Variants in MTMR4 observed in about 807,000 individuals in gnomAD.
MTMR4 encodes the protein phosphatidylinositol-3,5-bisphosphate 3-phosphatase MTMR4.
A neutral mutation model predicts 125.5 loss-of-function variants in MTMR4; 30 were observed. That is an observed-to-expected ratio of 0.24 (90% CI 0.18 to 0.32). The LOEUF is 0.32. MTMR4 is among the 10% of genes least tolerant of loss of function. MTMR4 has a pLI of 1.00. For missense variants in MTMR4, 1,039 were observed against 1,511.5 expected (o/e 0.69, Z 5.18); for synonymous variants, 498 against 564.5 (o/e 0.88, Z 1.67).
chr17:58,495,088 C>T lies in MTMR4; in HGVS notation c.3096G>A (p.Thr1032=), dbSNP rs1220975279. The change falls in exon 15 of 18, where the codon ACG becomes ACA. Residue 1032 remains threonine (T), a synonymous_variant. Coordinates refer to ENST00000682306, the MANE Select transcript of MTMR4 (RefSeq NM_001378067.1). The part of the protein sequence containing the change: ...YLDDDGLPFP[T]DVIQHRLRQI... ...GCCGTAACCTATGCTGGATCACATC[C>T]GTGGGAAAGGGGAGTCCATCATCAT... The T allele has an allele frequency of 1.5e-5, 24 of 1,614,070 alleles. No individual in the cohort carries two copies. Among genetic ancestry groups the T allele is most frequent in the East Asian group, 2.2e-5 (1 of 44,900 alleles).
Position 58,505,531 on chromosome 17 carries a change from G to A in MTMR4, c.1086C>T (p.Ala362=). ...GGAGGTACTGAAAGCTGTTCCGGAT[G>A]GCATGGATGTTGGCCATTCCCATGA... ...VVFMGMANIH[A]IRNSFQYLRA... is the part of the protein sequence containing the mutation. The change falls in exon 10 of 18, where the codon GCC becomes GCT. Residue 362 remains alanine, a synonymous_variant. Transcript: ENST00000682306. The A allele has an allele frequency of 6.2e-7, 1 of 1,613,198 alleles. No individual in the cohort carries two copies. The highest frequency in any genetic ancestry group is 2.2e-5 in the East Asian group (1 of 44,826).
intron 15 of MTMR4, among the ~76,000 whole-genome samples, chr17:58,493,986 C>G (rs926224736): frequency 6.6e-5 from 10 of 152,102 alleles, no homozygotes; most frequent in African/African-American, 1.4e-4. Flanking sequence ...ACCTTACCAG[C>G]CTCCCAATCT....
rs762664201 is a variant in MTMR4, at chr17:58,495,170, G to A, written c.3014C>T (p.Ser1005Phe). Residue 1005 changes from serine (S) to phenylalanine (F), a missense_variant, in exon 15 of 18, where the codon TCT (serine) becomes TTT (phenylalanine). Around this residue, in one of 6 missense-constraint regions of MTMR4, gnomAD observed 619 missense variants for 714.5 expected, o/e 0.87. Transcript: ENST00000682306. ...GTTCAGTGGAACGGGCTTTGTGCTA[G>A]AGACTTGCTTTGGATGACTGGACAA... ...MWLSSHPKQV[S>F]STKPVPLNCP... 1 of 1,614,260 alleles carries A rather than the reference G, an allele frequency of 6.2e-7. No individual in the cohort carries two copies.
At chr17:58,513,368 C>T (rs1326373750) in intron 1 of MTMR4, among the ~76,000 whole-genome samples, 2 of 152,018 alleles carry the variant, frequency 1.3e-5, no homozygotes, top group African/African-American at 2.4e-5. Flanking sequence ...GGAAATCAGG[C>T]GCCTACAAGC....
chr17:58,506,941 C>A (rs1254929353), intron 8 of MTMR4, 70 bp from the exon 9 acceptor site: 2 of 1,576,360 alleles, frequency 1.3e-6, no homozygotes, highest in African/African-American at 2.7e-5. Context: ...CTCTGGCACT[C>A]CCTCTCAGAA....
Position 58,495,767 on chromosome 17 carries a change from T to C in MTMR4, c.2417A>G (p.Gln806Arg). 1 of 1,614,116 alleles carries C rather than the reference T, an allele frequency of 6.2e-7. No individual in the cohort carries two copies. Among genetic ancestry groups the C allele is most frequent in the Admixed American group, 1.7e-5 (1 of 60,014 alleles). Residue 806 changes from glutamine (Q) to arginine (R), a missense_variant, in exon 15 of 18, where the codon CAG becomes CGG. Transcript: ENST00000682306. ...SQNSPTGTPQ[Q>R]AQPDSMLGVP... ...ACCTAGCATGGAGTCTGGCTGGGCCTGTTGGGGCGTACCTGTAGGAGAGTT... is the reference window on the plus strand; with the variant it reads ...ACCTAGCATGGAGTCTGGCTGGGCCCGTTGGGGCGTACCTGTAGGAGAGTT...
chr17:58,514,631 G>A lies in MTMR4; in HGVS notation c.-224C>T, dbSNP rs1204649741. 6 of 985,280 alleles carry A rather than the reference G, an allele frequency of 6.1e-6. No homozygotes were observed. Among genetic ancestry groups the A allele is most frequent in the Non-Finnish European group, 7.2e-6 (6 of 829,902 alleles). 61.0% of individuals were successfully genotyped at this position (985,280 alleles called of 1,614,324 possible). ...TCCGCCCTCCCGCACGAGTGCAGAAGGGAGGGGAGCCAGGCGAGGGGAGAG... is the reference window on the plus strand; with the variant it reads ...TCCGCCCTCCCGCACGAGTGCAGAAAGGAGGGGAGCCAGGCGAGGGGAGAG... On this transcript the variant is annotated 5_prime_UTR_variant, in exon 1 of 18. Coordinates refer to ENST00000682306, the MANE Select transcript of MTMR4 (RefSeq NM_001378067.1).
At chr17:58,503,376 G>A (rs1042960036) in intron 14 of MTMR4, among the ~76,000 whole-genome samples, 13 of 152,162 alleles carry the variant, frequency 8.5e-5, no homozygotes, top group Non-Finnish European at 1.8e-4. Context: ...GGCCGGGCAC[G>A]GTGGCTCACG....
At chr17:58,510,495 C>T (rs1265551571) in intron 4 of MTMR4, 1 of 152,206 alleles carries the variant, frequency 6.6e-6, no homozygotes, top group Non-Finnish European at 1.5e-5. Flanking sequence ...TTTTTTGAGA[C>T]AGGGTCTCAC....
chr17:58,492,591 G>C lies in MTMR4; in HGVS notation c.3372C>G (p.Arg1124=). 3 of 1,613,882 alleles carry C rather than the reference G, an allele frequency of 1.9e-6. No homozygotes were observed. The highest frequency in any genetic ancestry group is 2.5e-6 in the Non-Finnish European group (3 of 1,179,942). The change falls in exon 17 of 18, where the codon CGC becomes CGG. Residue 1124 remains arginine, a synonymous_variant. Coordinates refer to ENST00000682306, the MANE Select transcript of MTMR4 (RefSeq NM_001378067.1). ...GTGATGCCATATGGTCTGGAACCCA[G>C]CGAGTCACCTAATAGAAGGCACAAA... ...PVDKKETEVT[R]WVPDHMASHC... is the part of the protein sequence containing the mutation.
At chr17:58,507,010 C>T (rs758341012) in intron 8 of MTMR4, 113 bp downstream of exon 8, 9 of 1,557,070 alleles carry the variant, frequency 5.8e-6, no homozygotes, top group Non-Finnish European at 7.9e-6. Context: ...GGCAGGGACC[C>T]CAGCACCCCG....
At chr17:58,498,012 G>A (rs9901533) in intron 14 of MTMR4, among the ~76,000 whole-genome samples, 66 of 152,216 alleles carry the variant, frequency 4.3e-4, no homozygotes, top group African/African-American at 1.5e-3. Context: ...CAGATCTCTC[G>A]AGGCCACAAG....
rs1257757468 is a variant in MTMR4, at chr17:58,504,747, T to C, written c.1341+32A>G. The C allele has an allele frequency of 3.8e-6, 6 of 1,571,048 alleles. No homozygotes were observed. The highest frequency in any genetic ancestry group is 5.2e-6 in the Non-Finnish European group (6 of 1,154,118). Reference sequence around the variant, plus strand: ...AACACCTTCCCTCCTGCCACATTCCTTCTGGTTTTCCCACCGAATTCCTCT... The same window carrying C: ...AACACCTTCCCTCCTGCCACATTCCCTCTGGTTTTCCCACCGAATTCCTCT... On this transcript the variant is annotated intron_variant, in intron 11 of 17. Coordinates refer to ENST00000682306, the MANE Select transcript of MTMR4 (RefSeq NM_001378067.1). The surrounding 1 kb of genome is among the most constrained non-coding windows in gnomAD (Gnocchi z 7.1).
upstream of MTMR4, among the ~76,000 whole-genome samples, chr17:58,515,308 G>A (rs985262218): frequency 5.3e-5 from 8 of 152,202 alleles, no homozygotes; most frequent in Non-Finnish European, 8.8e-5. Context: ...AGAGAGTTGG[G>A]TAGAGGGCCA....
At chr17:58,507,945 ACACAC>A in intron 7 of MTMR4, 1 of 474,432 alleles carries the variant, frequency 2.1e-6, no homozygotes, top group African/African-American at 2.0e-5. Context: ...ACACACACAC[ACACAC>A]ACACTCTAAA....
chr17:58,512,310 A>G lies in MTMR4; in HGVS notation c.252+80T>C. On this transcript the variant is annotated intron_variant, in intron 3 of 17. Transcript: ENST00000682306. The surrounding 1 kb of genome is among the most constrained non-coding windows in gnomAD (Gnocchi z 4.1). ...CTCCAACTTTTTTAATGACATGATC[A>G]AGGACAGCCTTGGAACAATCCCACC... is the stretch of plus-strand genomic sequence containing the variant. 1 of 1,263,292 alleles carries G rather than the reference A, an allele frequency of 7.9e-7. No homozygotes were observed. Among genetic ancestry groups the G allele is most frequent in the Non-Finnish European group, 1.2e-6 (1 of 866,132 alleles). 78.3% of individuals were successfully genotyped at this position (1,263,292 alleles called of 1,614,324 possible). A position where few individuals can be genotyped will look rare whatever the true frequency, so the allele number is the denominator to read the frequency against.
chr17:58,498,965 G>A (rs1975546100), intron 14 of MTMR4, among the ~76,000 whole-genome samples: 1 of 152,072 alleles, frequency 6.6e-6, no homozygotes, highest in Non-Finnish European at 1.5e-5. Context: ...CTCTTTGCCA[G>A]GGACTCTTCC....
chr17:58,501,329 A>C (rs1237368585), intron 14 of MTMR4, among the ~76,000 whole-genome samples: 1 of 152,088 alleles, frequency 6.6e-6, no homozygotes, highest in Non-Finnish European at 1.5e-5. Flanking sequence ...TGGGCAACAG[A>C]CCCGTCTCTA....
rs1337444662 is a variant in MTMR4 at position 58,492,605 on chromosome 17, A to G, written c.3364-6T>C. 1 of 1,613,450 alleles carries G rather than the reference A, an allele frequency of 6.2e-7. No individual in the cohort carries two copies. Among genetic ancestry groups the G allele is most frequent in the Non-Finnish European group, 8.5e-7 (1 of 1,179,698 alleles). On this transcript the variant is annotated splice_polypyrimidine_tract_variant and splice_region_variant and intron_variant, in intron 16 of 17. Coordinates refer to ENST00000682306, the MANE Select transcript of MTMR4 (RefSeq NM_001378067.1). ...TCTGGAACCCAGCGAGTCACCTAATAGAAGGCACAAAGAAAAATTCCTGGT... is the reference window on the plus strand; with the variant it reads ...TCTGGAACCCAGCGAGTCACCTAATGGAAGGCACAAAGAAAAATTCCTGGT...
Sources: allele counts gnomAD v4.1 joint callset (sites outside exome capture counted in the v4.1 genomes callset), GRCh38; gene constraint gnomAD v4.1.1; regional missense constraint gnomAD v4.1.1; non-coding constraint Gnocchi (gnomAD v3.1); transcripts MANE v1.5; gene names NCBI Gene and HGNC (gene_info 2026-07-23, HGNC 2026-07-21).